Variants in PTPRA observed in about 807,000 individuals in gnomAD.
PTPRA encodes the protein receptor-type tyrosine-protein phosphatase alpha.
A neutral mutation model predicts 104.8 loss-of-function variants in PTPRA; 25 were observed. The ratio of observed to expected loss-of-function variants is 0.24; its 90% CI spans 0.17 to 0.33. The LOEUF (loss-of-function observed/expected upper bound fraction) is 0.33, where lower values mean the gene tolerates loss of function less well. Ranked by LOEUF, PTPRA falls within the 10% of genes least tolerant of loss-of-function variation. The pLI is 1.00. For synonymous variants in PTPRA, 323 were observed against 368.9 expected, an observed-to-expected ratio of 0.88 and a Z score of 1.43; for missense variants, 765 against 1,015.3, an observed-to-expected ratio of 0.75 and a Z score of 3.35.
rs1006484559 is a variant in PTPRA, at chr20:2,957,504, G to T, written c.-6-6768G>T. Reference sequence around the variant, plus strand: ...AGAGACAACTCTTTCTAGAGATTTGGCTATGAAGCAGAGTAGAGACAATGA... The same window carrying T: ...AGAGACAACTCTTTCTAGAGATTTGTCTATGAAGCAGAGTAGAGACAATGA... On this transcript the variant is annotated intron_variant, in intron 3 of 23. Transcript: ENST00000399903. 1.3e-5 allele frequency among the ~76,000 whole-genome samples: 2 copies of T among 152,196 alleles called. 1 individual carries two copies. The highest frequency in any genetic ancestry group is 1.3e-4 in the Admixed American group (2 of 15,280).
intron 2 of PTPRA, among the ~76,000 whole-genome samples, chr20:2,941,441 C>T (rs370661304): frequency 6.6e-6 from 1 of 152,340 alleles, no homozygotes; most frequent in South Asian, 2.1e-4. Context: ...TCTATTATCA[C>T]ACCCTGTGCA....
intron 1 of PTPRA, among the ~76,000 whole-genome samples, chr20:2,913,496 C>T (rs926725084): frequency 2.0e-5 from 3 of 152,182 alleles, no homozygotes; most frequent in Non-Finnish European, 4.4e-5. Flanking sequence ...AGTTTAAAAT[C>T]ACACATTGCA....
intron 1 of PTPRA, among the ~76,000 whole-genome samples, chr20:2,882,975 C>CTTTT (rs752857166): frequency 1.2e-4 from 14 of 113,646 alleles, no homozygotes; most frequent in Admixed American, 1.8e-4. Flanking sequence ...AAATCCAACA[C>CTTTT]TTTTTTTTTT....
rs983601130 is a variant in PTPRA at position 2,936,879 on chromosome 20, C to G, written c.-49-11103C>G. Among the ~76,000 whole-genome samples the G allele has an allele frequency of 2.0e-5, 3 of 151,880 alleles. No individual in the cohort carries two copies. In the East Asian group the frequency reaches 5.8e-4, roughly 29 times the overall value. On this transcript the variant is annotated intron_variant, in intron 2 of 23. Coordinates refer to ENST00000399903, the MANE Select transcript of PTPRA (RefSeq NM_001385305.1). The stretch of plus-strand genomic sequence containing the variant: ...TATTGATACTTTGGATTTAAATTTG[C>G]CATTTTTGTTTCATTCATTATTTTT...
chr20:3,031,619 C>G (rs2065458487), intron 20 of PTPRA, among the ~76,000 whole-genome samples: 1 of 152,196 alleles, frequency 6.6e-6, no homozygotes, highest in African/African-American at 2.4e-5. Context: ...GGAATCTCAA[C>G]AAGGCATCCG....
rs371528519 is a variant in PTPRA, at chr20:2,983,551, T to C, written c.443-3214T>C. ...AGGATGGAGGTTGGGACTACACTGGTGGCAATAAAAAAAATGCAAAAAAAA... is the reference window on the plus strand; with the variant it reads ...AGGATGGAGGTTGGGACTACACTGGCGGCAATAAAAAAAATGCAAAAAAAA... On this transcript the variant is annotated intron_variant, in intron 6 of 23. Coordinates refer to ENST00000399903, the MANE Select transcript of PTPRA (RefSeq NM_001385305.1). 1.1e-3 allele frequency among the ~76,000 whole-genome samples: 118 copies of C among 104,210 alleles called. 1 individual carries two copies. The highest frequency in any genetic ancestry group is 4.6e-3 in the African/African-American group (114 of 24,518). 68.4% of individuals were successfully genotyped at this position (104,210 alleles called of 152,430 possible). A position where few individuals can be genotyped will look rare whatever the true frequency, so the allele number is the denominator to read the frequency against.
chr20:2,934,869 G>A (rs923307670), intron 2 of PTPRA, among the ~76,000 whole-genome samples: 2 of 151,692 alleles, frequency 1.3e-5, no homozygotes, highest in Non-Finnish European at 1.5e-5. Context: ...ACGGTGTTTC[G>A]CCATGTTGGT....
In PTPRA at chr20:3,005,045, TA is replaced by T. The variant is rs1318934151; in HGVS notation, c.739-9del. The stretch of plus-strand genomic sequence containing the variant: ...TGCTAATAATTCCTCTAATTTCTCT[TA>T]ACCTTTCAGGCTCTCCCTGCATGTC... On this transcript the variant is annotated splice_polypyrimidine_tract_variant and intron_variant, in intron 9 of 23. Transcript: ENST00000399903. 6.3e-7 allele frequency: 1 copy of T among 1,584,498 alleles called. No individual in the cohort carries two copies. The highest frequency in any genetic ancestry group is 1.1e-5 in the South Asian group (1 of 90,312).
chr20:3,017,682 G>A lies in PTPRA; in HGVS notation c.944-134G>A, dbSNP rs11908366. 1,038 of 678,618 alleles carry A rather than the reference G, an allele frequency of 1.5e-3. 6 individuals are homozygous for A. In the African/African-American group the frequency reaches 0.017, roughly 11 times the overall value. 42.0% of individuals were successfully genotyped at this position (678,618 alleles called of 1,614,324 possible). On this transcript the variant is annotated intron_variant, in intron 12 of 23. Coordinates refer to ENST00000399903, the MANE Select transcript of PTPRA (RefSeq NM_001385305.1). ...ATACTCAATTAGTAACGGGGTGGAT[G>A]GATACATGGGTTAGATATTTAGCTG...
At chr20:2,902,125 T>C (rs1271470469) in intron 1 of PTPRA, among the ~76,000 whole-genome samples, 4 of 152,090 alleles carry the variant, frequency 2.6e-5, no homozygotes. Context: ...CCTCAGGTGA[T>C]GCACTTCCCT....
intron 1 of PTPRA, among the ~76,000 whole-genome samples, chr20:2,874,496 C>T (rs1406851168): frequency 6.6e-6 from 1 of 151,706 alleles, no homozygotes; most frequent in East Asian, 1.9e-4. Flanking sequence ...ATGTGCAAAT[C>T]CACCCTCTGC....
chr20:2,958,980 G>C (rs866276826), intron 3 of PTPRA, among the ~76,000 whole-genome samples: 5 of 152,042 alleles, frequency 3.3e-5, no homozygotes, highest in African/African-American at 9.7e-5. Flanking sequence ...TGTTGGAGTA[G>C]AAATTTGGAA....
intron 13 of PTPRA, among the ~76,000 whole-genome samples, chr20:3,019,377 G>A (rs1490207268): frequency 1.3e-5 from 2 of 150,526 alleles, no homozygotes; most frequent in Admixed American, 1.3e-4. Context: ...GCTGGGCGGA[G>A]GGGCTCCTCA....
chr20:2,953,419 A>G (rs1038482552), intron 3 of PTPRA, among the ~76,000 whole-genome samples: 1 of 151,326 alleles, frequency 6.6e-6, no homozygotes. Context: ...ACGCCTGGCT[A>G]ATTTTTTGTA....
rs1269191574 is a variant in PTPRA at position 3,026,866 on chromosome 20, G to T, written c.1708+86G>T. ...TTCCATTTCTCAGGTACTAGTTAAT[G>T]ATTGGCGTATAGACAAGAATCATGG... On this transcript the variant is annotated intron_variant, in intron 18 of 23. Coordinates refer to ENST00000399903, the MANE Select transcript of PTPRA (RefSeq NM_001385305.1). 5 of 1,197,762 alleles carry T rather than the reference G, an allele frequency of 4.2e-6. No individual in the cohort carries two copies. In the African/African-American group the frequency reaches 6.0e-5, roughly 14 times the overall value. The allele number at this position is 1,197,762 out of a possible 1,614,324, so 74.2% of individuals were successfully genotyped here.
At chr20:2,972,723 C>CT (rs955424439) in intron 5 of PTPRA, among the ~76,000 whole-genome samples, 176 of 145,162 alleles carry the variant, frequency 1.2e-3, no homozygotes, top group East Asian at 4.2e-3. Context: ...AAAAAATATG[C>CT]TTTTTTTTTT....
At chr20:2,918,111 CAG>C (rs1555802527) in intron 1 of PTPRA, among the ~76,000 whole-genome samples, 3 of 142,536 alleles carry the variant, frequency 2.1e-5, no homozygotes, top group African/African-American at 2.6e-5. Flanking sequence ...AAAAAAAAGA[CAG>C]TGTTTTTTAA....
At chr20:2,989,758 C>T (rs2063071778) in intron 9 of PTPRA, among the ~76,000 whole-genome samples, 1 of 152,196 alleles carries the variant, frequency 6.6e-6, no homozygotes, top group African/African-American at 2.4e-5. Flanking sequence ...TGGCTCACGC[C>T]TGTAATCCCA....
intron 13 of PTPRA, among the ~76,000 whole-genome samples, chr20:3,018,733 T>C (rs2064613185): frequency 5.4e-5 from 8 of 148,568 alleles, no homozygotes; most frequent in East Asian, 2.0e-4. Context: ...CTCAATGAGC[T>C]GCTGGGCACA....
Sources: gnomAD v4.1 joint callset for allele counts (sites outside exome capture counted in the v4.1 genomes callset) on GRCh38, gnomAD v4.1.1 for gene constraint, MANE v1.5 for transcripts, NCBI Gene and HGNC (gene_info 2026-07-23, HGNC 2026-07-21) for gene names.